PDE1C: variants seen among roughly 807,000 people sequenced by gnomAD.
PDE1C encodes dual specificity calcium/calmodulin-dependent 3',5'-cyclic nucleotide phosphodiesterase 1C.
PDE1C carries 62 observed loss-of-function variants against 93.1 expected under a neutral mutation model. That is an observed-to-expected ratio of 0.67 (90% CI 0.54 to 0.82). The LOEUF (loss-of-function observed/expected upper bound fraction) is 0.82. PDE1C is among the 40% of genes least tolerant of loss of function. PDE1C has a pLI of 0.00. For synonymous variants in PDE1C, 325 were observed against 310.1 expected (o/e 1.05, Z -0.50); for missense variants, 742 against 884.6 (o/e 0.84, Z 2.04).
At chr7:32,421,066 C>G (rs951251439) in intron 1 of PDE1C, among the ~76,000 whole-genome samples, 1 of 141,664 alleles carries the variant, frequency 7.1e-6, no homozygotes, top group African/African-American at 2.6e-5. Flanking sequence ...GTTTTCACCC[C>G]TAGAAGGCGG....
chr7:32,221,525 C>T (rs896434546), intron 1 of PDE1C, among the ~76,000 whole-genome samples: 2 of 152,140 alleles, frequency 1.3e-5, no homozygotes, highest in African/African-American at 4.8e-5. Flanking sequence ...TGCTCTGGAC[C>T]AGGACCTGAG....
downstream of PDE1C, among the ~76,000 whole-genome samples, chr7:31,746,773 A>T (rs984266413): frequency 4.6e-5 from 7 of 151,570 alleles, no homozygotes; most frequent in Non-Finnish European, 8.8e-5. Flanking sequence ...AAATTAGGGA[A>T]TTTTTTTTTC....
At chr7:32,254,734 A>G (rs957030408) in intron 1 of PDE1C, among the ~76,000 whole-genome samples, 1 of 152,120 alleles carries the variant, frequency 6.6e-6, no homozygotes, top group Non-Finnish European at 1.5e-5. Flanking sequence ...CACATGCCCA[A>G]GTGAGAGAGG....
At chr7:32,311,235 A>C (rs1317597956) in intron 1 of PDE1C, among the ~76,000 whole-genome samples, 2 of 152,218 alleles carry the variant, frequency 1.3e-5, no homozygotes, top group African/African-American at 4.8e-5. Context: ...GATGAATAAC[A>C]GGCTCTGAAA....
upstream of PDE1C, among the ~76,000 whole-genome samples, chr7:32,074,221 A>T (rs1310530758): frequency 2.4e-5 from 3 of 125,830 alleles, no homozygotes; most frequent in South Asian, 2.2e-4. Flanking sequence ...TTAATCTGAT[A>T]AAAAAAAATA....
intron 2 of PDE1C, among the ~76,000 whole-genome samples, chr7:32,050,827 T>G (rs1793249358): frequency 1.3e-5 from 2 of 152,118 alleles, no homozygotes; most frequent in South Asian, 4.1e-4. Context: ...GGAATGAAAA[T>G]CGCATATGCA....
intron 1 of PDE1C, among the ~76,000 whole-genome samples, chr7:32,375,364 G>C (rs2128088788): frequency 6.6e-6 from 1 of 152,294 alleles, no homozygotes; most frequent in African/African-American, 2.4e-5. Context: ...AACGCCGGGA[G>C]TGCAAACAGA....
At chr7:31,910,977 A>G (rs2128937568) in intron 2 of PDE1C, among the ~76,000 whole-genome samples, 1 of 152,298 alleles carries the variant, frequency 6.6e-6, no homozygotes, top group South Asian at 2.1e-4. Flanking sequence ...AAAACGGAAT[A>G]CTCATGTTGA....
At chr7:32,051,263 A>C (rs557812290) in intron 2 of PDE1C, among the ~76,000 whole-genome samples, 19 of 152,272 alleles carry the variant, frequency 1.2e-4, no homozygotes, top group African/African-American at 4.1e-4. Flanking sequence ...CCGCCAGCCT[A>C]ATCACTCTCT....
chr7:31,620,514 C>T, the PDE1C span, among the ~76,000 whole-genome samples: 4 of 151,210 alleles, frequency 2.6e-5, no homozygotes, highest in African/African-American at 7.3e-5. Flanking sequence ...TGGAGTGGAC[C>T]TCTAGCAAAC....
At chr7:32,298,071 C>CTG (rs1272512981) in intron 1 of PDE1C, among the ~76,000 whole-genome samples, 2 of 122,010 alleles carry the variant, frequency 1.6e-5, no homozygotes, top group African/African-American at 3.1e-5. Context: ...TCTCCCCTCT[C>CTG]TCTCTGAATT....
chr7:32,321,532 C>A (rs1054159436), intron 1 of PDE1C, among the ~76,000 whole-genome samples: 1 of 152,232 alleles, frequency 6.6e-6, no homozygotes, highest in South Asian at 2.1e-4. Flanking sequence ...AAAATAGATG[C>A]CCCAGAGTTA....
chr7:31,766,801 T>C (rs1795174817), intron 17 of PDE1C, among the ~76,000 whole-genome samples: 1 of 152,222 alleles, frequency 6.6e-6, no homozygotes, highest in Admixed American at 6.5e-5. Flanking sequence ...AAGACAACCA[T>C]TAATAGGAGA....
intron 2 of PDE1C, among the ~76,000 whole-genome samples, chr7:32,035,681 C>G (rs1047994826): frequency 2.4e-4 from 36 of 152,170 alleles, no homozygotes; most frequent in Admixed American, 1.6e-3. Flanking sequence ...GAATTATTTG[C>G]TCATTAAATG....
chr7:31,660,639 TG>T, the PDE1C span, among the ~76,000 whole-genome samples: 9 of 152,292 alleles, frequency 5.9e-5, no homozygotes, highest in African/African-American at 2.2e-4. Flanking sequence ...TTATTATTTC[TG>T]ACTTTATCTT....
At chr7:31,863,279 G>A (rs951414291) in intron 7 of PDE1C, among the ~76,000 whole-genome samples, 6 of 152,134 alleles carry the variant, frequency 3.9e-5, no homozygotes, top group African/African-American at 1.2e-4. Flanking sequence ...CCAGTGCATA[G>A]GAGAGCTCTT....
intron 17 of PDE1C, among the ~76,000 whole-genome samples, chr7:31,766,746 T>C (rs1290413664): frequency 6.6e-6 from 1 of 152,244 alleles, no homozygotes; most frequent in Non-Finnish European, 1.5e-5. Flanking sequence ...CTTGCTTTAC[T>C]TGCTCGACAT....
At position 32,299,171 on chromosome 7, in the gene PDE1C, G is replaced by A. The variant is rs1249193465; in HGVS notation, c.-436C>T. 1.0e-5 allele frequency: 10 copies of A among 998,832 alleles called. No homozygotes were observed. In the East Asian group the frequency reaches 6.5e-4, roughly 65 times the overall value. The allele number at this position is 998,832 out of a possible 1,614,324, so 61.9% of individuals were successfully genotyped here. On this transcript the variant is annotated 5_prime_UTR_variant, in exon 1 of 19. Coordinates refer to the PDE1C transcript ENST00000396193. ...TCCTTCCGTCTCTGGTGGCTGGGGG[G>A]ATTTGGGGACCCAAGGGAATGGCTG...
chr7:32,071,435 C>G (rs1796049775), upstream of PDE1C: 1 of 985,426 alleles, frequency 1.0e-6, no homozygotes, highest in African/African-American at 1.7e-5. Flanking sequence ...TGTTTTCTTG[C>G]TAAAGGGGCT....
Sources: allele counts gnomAD v4.1 joint callset (sites outside exome capture counted in the v4.1 genomes callset), GRCh38; gene constraint gnomAD v4.1.1; transcripts MANE v1.5; gene names NCBI Gene and HGNC (gene_info 2026-07-23, HGNC 2026-07-21).